The following POR variants were observed in gnomAD, a reference collection of about 807,000 sequenced individuals.
POR encodes cytochrome p450 oxidoreductase, also known as NADPH--cytochrome P450 reductase.
A neutral mutation model predicts 84.0 loss-of-function variants in POR; 56 were observed. The observed-to-expected ratio is 0.67, with a 90% CI of 0.54 to 0.83. POR has a LOEUF of 0.83. Among genes scored for constraint, POR ranks in the 40% least tolerant of loss-of-function variants. POR has a pLI of 0.00. For missense variants in POR, 938 were observed against 944.3 expected (o/e 0.99, Z 0.09); for synonymous variants, 414 against 400.5 (o/e 1.03, Z -0.40).
intron 1 of POR, among the ~76,000 whole-genome samples, chr7:75,927,031 C>T (rs1441168832): frequency 6.6e-6 from 1 of 152,068 alleles, no homozygotes; most frequent in Non-Finnish European, 1.5e-5. Context: ...TTGCCATGTC[C>T]TAAAAAGGTC....
chr7:75,981,898 C>G lies in POR; in HGVS notation c.731+292C>G, dbSNP rs532787274. The G allele has an allele frequency of 6.5e-4, 371 of 571,854 alleles. 7 individuals are homozygous for G. The highest frequency in any genetic ancestry group is 2.3e-3 in the South Asian group (105 of 44,902). The allele number at this position is 571,854 out of a possible 1,614,324, so 35.4% of individuals were successfully genotyped here. ...TTTCCTTAAAATCTGCCTCCACAGACTTGGCCAAAAACATAACGTTCCTCT... is the reference window on the plus strand; with the variant it reads ...TTTCCTTAAAATCTGCCTCCACAGAGTTGGCCAAAAACATAACGTTCCTCT... On this transcript the variant is annotated intron_variant, in intron 7 of 15. Coordinates refer to ENST00000461988, the MANE Select transcript of POR (RefSeq NM_000941.3).
rs377357128 is a variant in POR at position 75,985,331 on chromosome 7, G to A, written c.1398+124G>A. On this transcript the variant is annotated intron_variant, in intron 12 of 15. Transcript: ENST00000461988. ...CCTGAGCTCCAGTTCCAGCCCCAGC[G>A]CAGCTCCAAATGCCTCCCCAGGCTG... 1.8e-4 allele frequency: 241 copies of A among 1,319,028 alleles called. 3 individuals are homozygous for A. In the South Asian group the frequency reaches 3.2e-3, roughly 18 times the overall value. The allele number at this position is 1,319,028 out of a possible 1,614,324, so 81.7% of individuals were successfully genotyped here. A position where few individuals can be genotyped will look rare whatever the true frequency, so the allele number is the denominator to read the frequency against.
At chr7:75,934,678 C>T (rs922405235) in intron 1 of POR, among the ~76,000 whole-genome samples, 8 of 152,142 alleles carry the variant, frequency 5.3e-5, no homozygotes, top group Admixed American at 4.6e-4. Flanking sequence ...GGTTCAGGCC[C>T]AGTGCCAGGG....
intron 2 of POR, among the ~76,000 whole-genome samples, chr7:75,955,289 ATTAG>A (rs782576638): frequency 4.5e-4 from 68 of 152,360 alleles, no homozygotes; most frequent in Non-Finnish European, 6.9e-4. Flanking sequence ...AAAAAGATGG[ATTAG>A]TTAAAAGAAA....
At chr7:75,955,540 G>A (rs1253241218) in intron 2 of POR, among the ~76,000 whole-genome samples, 1 of 152,220 alleles carries the variant, frequency 6.6e-6, no homozygotes, top group Non-Finnish European at 1.5e-5. Flanking sequence ...GTGGGGACCT[G>A]CCAGGTCAGG....
chr7:75,968,095 A>G, intron 2 of POR: 1 of 455,256 alleles, frequency 2.2e-6, no homozygotes, highest in Non-Finnish European at 4.4e-6. Context: ...GGGTGCACGT[A>G]CTCGTCTCCA....
Position 75,982,264 on chromosome 7 carries a change from G to A in POR, c.772G>A (p.Ala258Thr). The change falls in exon 8 of 16, where the codon GCG becomes ACG. Residue 258 changes from alanine to threonine, a missense_variant. Physicochemically the swap from Ala to Thr is moderately conservative, Grantham distance 58. Transcript: ENST00000461988. ...GCTTGTGGTCCACACCGACATAGATGCGGCCAAGGTGTACATGGGGGAGAT... is the reference window on the plus strand; with the variant it reads ...GCTTGTGGTCCACACCGACATAGATACGGCCAAGGTGTACATGGGGGAGAT... The A allele has an allele frequency of 1.2e-6, 2 of 1,612,968 alleles. No individual in the cohort carries two copies. Among genetic ancestry groups the A allele is most frequent in the Non-Finnish European group, 1.7e-6 (2 of 1,179,602 alleles).
intron 1 of POR, among the ~76,000 whole-genome samples, chr7:75,951,936 C>T (rs239952): frequency 0.2 from 30,972 of 151,414 alleles, 4,898 homozygotes; most frequent in African/African-American, 0.44. Context: ...ACCTCCCTCC[C>T]GGACGGGGCG....
intron 2 of POR, among the ~76,000 whole-genome samples, chr7:75,964,335 C>G (rs1167751439): frequency 6.6e-6 from 1 of 151,652 alleles, no homozygotes; most frequent in Non-Finnish European, 1.5e-5. Flanking sequence ...GAGACTAAGT[C>G]TCGCTCCTGT....
chr7:75,924,768 C>A (rs1002038512), intron 1 of POR, among the ~76,000 whole-genome samples: 50 of 152,084 alleles, frequency 3.3e-4, no homozygotes, highest in African/African-American at 1.1e-3. Context: ...ATAGAAAATT[C>A]TAATGAAAAT....
intron 3 of POR, among the ~76,000 whole-genome samples, chr7:75,974,853 C>G (rs1185849811): frequency 6.6e-6 from 1 of 152,078 alleles, no homozygotes; most frequent in Non-Finnish European, 1.5e-5. Flanking sequence ...AATAGATTCT[C>G]TCTTCACATC....
intron 2 of POR, among the ~76,000 whole-genome samples, chr7:75,967,272 G>A (rs1466558604): frequency 3.9e-5 from 6 of 152,086 alleles, no homozygotes; most frequent in Admixed American, 6.6e-5. Context: ...GCACTCCGCC[G>A]AGCCTTGGGC....
intron 1 of POR, among the ~76,000 whole-genome samples, chr7:75,943,243 G>GC (rs1787026669): frequency 6.6e-6 from 1 of 152,114 alleles, no homozygotes; most frequent in Admixed American, 6.5e-5. Context: ...GAGCCACCGT[G>GC]CCCGGCCCTC....
chr7:75,969,538 G>A (rs1017819234), intron 2 of POR, among the ~76,000 whole-genome samples: 2 of 152,186 alleles, frequency 1.3e-5, no homozygotes, highest in Non-Finnish European at 2.9e-5. Flanking sequence ...TGTGTTACCC[G>A]CCAGGCACTC....
chr7:75,983,873 G>C lies in POR; in HGVS notation c.1066+17G>C, dbSNP rs782143653. 1 of 1,580,054 alleles carries C rather than the reference G, an allele frequency of 6.3e-7. No homozygotes were observed. Among genetic ancestry groups the C allele is most frequent in the South Asian group, 1.1e-5 (1 of 87,336 alleles). On this transcript the variant is annotated intron_variant, in intron 10 of 15. Coordinates refer to ENST00000461988, the MANE Select transcript of POR (RefSeq NM_000941.3). Reference sequence around the variant, plus strand: ...ACCTGGATGGTGAGTGCCACAGTCAGGGCGCCCTGCCGGGCTCAGGCAGCC... The same window carrying C: ...ACCTGGATGGTGAGTGCCACAGTCACGGCGCCCTGCCGGGCTCAGGCAGCC...
Position 75,981,157 on chromosome 7 carries a change from G to A in POR, c.626G>A (p.Gly209Asp), listed in dbSNP as rs781790214. Reference sequence around the variant, plus strand: ...CAGCGCATCTTTGAGCTGGGGTTGGGCGACGACGATGGGAAGTGAGTGCCC... The same window carrying A: ...CAGCGCATCTTTGAGCTGGGGTTGGACGACGACGATGGGAAGTGAGTGCCC... The change falls in exon 6 of 16, where the codon GGC becomes GAC. Residue 209 changes from glycine to aspartate, a missense_variant. Coordinates refer to ENST00000461988, the MANE Select transcript of POR (RefSeq NM_000941.3). 1.9e-6 allele frequency: 3 copies of A among 1,547,334 alleles called. No homozygotes were observed. The highest frequency in any genetic ancestry group is 3.9e-5 in the Admixed American group (2 of 50,778).
chr7:75,976,079 G>C (rs1454634385), intron 3 of POR, among the ~76,000 whole-genome samples: 1 of 152,058 alleles, frequency 6.6e-6, no homozygotes, highest in Non-Finnish European at 1.5e-5. Context: ...TTTGTGTGTA[G>C]TTCAGTAGCT....
chr7:75,928,081 C>G (rs1410213642), intron 1 of POR, among the ~76,000 whole-genome samples: 1 of 150,478 alleles, frequency 6.6e-6, no homozygotes, highest in Non-Finnish European at 1.5e-5. Context: ...AAGTGATTCT[C>G]CTGCCTCAGC....
intron 1 of POR, among the ~76,000 whole-genome samples, chr7:75,932,290 C>T (rs1554550243): frequency 1.3e-5 from 2 of 151,844 alleles, no homozygotes; most frequent in Admixed American, 6.6e-5. Context: ...AAGTGATTCT[C>T]ATGCCTCAGC....
Sources: gnomAD v4.1 joint callset for allele counts (sites outside exome capture counted in the v4.1 genomes callset) on GRCh38, gnomAD v4.1.1 for gene constraint, MANE v1.5 for transcripts, NCBI Gene and HGNC (gene_info 2026-07-23, HGNC 2026-07-21) for gene names.